Variants in ASXL3 observed in about 807,000 individuals in gnomAD.
ASXL3 encodes ASXL transcriptional regulator 3.
Under a neutral mutation model 170.6 loss-of-function variants are expected in ASXL3, and 34 were observed. The observed-to-expected ratio is 0.20, with a 90% CI of 0.15 to 0.27. The LOEUF is 0.27. ASXL3 is among the 10% of genes least tolerant of loss of function. The probability of loss-of-function intolerance (pLI) is 1.00; values close to 1 mark genes in which losing one functional copy is unlikely to be tolerated. For missense variants in ASXL3, 2,592 were observed against 2,695.3 expected, an observed-to-expected ratio of 0.96 and a Z score of 0.85; for synonymous variants, 1,002 against 989.1, an observed-to-expected ratio of 1.01 and a Z score of -0.24.
intron 7 of ASXL3, among the ~76,000 whole-genome samples, 187 bp from the exon 8 acceptor site, chr18:33,683,218 A>T (rs1599489183): frequency 6.6e-6 from 1 of 152,316 alleles, no homozygotes; most frequent in East Asian, 1.9e-4. Flanking sequence ...AACTGAAGAC[A>T]GACAGACACA....
chr18:33,744,000 T>G lies in ASXL3; in HGVS notation c.4152T>G (p.Thr1384=), dbSNP rs1289911981. The part of the protein sequence containing the change: ...IAIPGSEEQA[T]VSMGTTVRAA... ...TACCTGGGAGTGAAGAACAGGCCACTGTATCCATGGGTACCACTGTGAGAG... is the reference window on the plus strand; with the variant it reads ...TACCTGGGAGTGAAGAACAGGCCACGGTATCCATGGGTACCACTGTGAGAG... Residue 1384 remains threonine (T), a synonymous_variant, in exon 12 of 12, where the codon ACT becomes ACG. Coordinates refer to ENST00000269197, the MANE Select transcript of ASXL3 (RefSeq NM_030632.3). 1 of 1,613,920 alleles carries G rather than the reference T, an allele frequency of 6.2e-7. No individual in the cohort carries two copies. Among genetic ancestry groups the G allele is most frequent in the Non-Finnish European group, 8.5e-7 (1 of 1,179,906 alleles).
Position 33,744,473 on chromosome 18 carries a change from C to G in ASXL3, c.4625C>G (p.Ala1542Gly). Residue 1542 changes from alanine (A) to glycine (G), a missense_variant, in exon 12 of 12, where the codon GCT becomes GGT. Physicochemically the swap from Ala to Gly is moderately conservative, Grantham distance 60 (BLOSUM62 0). Coordinates refer to ENST00000269197, the MANE Select transcript of ASXL3 (RefSeq NM_030632.3). The stretch of plus-strand genomic sequence containing the variant: ...GATCACAGTTCCACTTTCATTGCTG[C>G]TTCGGCAGCAAAACAAGACAGTAAA... The part of the protein sequence containing the change: ...GIDHSSTFIA[A>G]SAAKQDSKTL... The G allele has an allele frequency of 6.2e-7, 1 of 1,613,156 alleles. No individual in the cohort carries two copies. The highest frequency in any genetic ancestry group is 8.5e-7 in the Non-Finnish European group (1 of 1,179,722).
At position 33,699,510 on chromosome 18, in the gene ASXL3, T is replaced by C. The variant is rs144201441; in HGVS notation, c.879+15942T>C. Among the ~76,000 whole-genome samples the C allele has an allele frequency of 2.2e-4, 34 of 152,280 alleles. No homozygotes were observed. The East Asian group carries it at 6.6e-3, about 29-fold the overall frequency. ...AGTATTACTCATGTATTGAGTAAGATGATGATTGAGAGTTTACCATGCATT... is the reference window on the plus strand; with the variant it reads ...AGTATTACTCATGTATTGAGTAAGACGATGATTGAGAGTTTACCATGCATT... On this transcript the variant is annotated intron_variant, in intron 8 of 11. Transcript: ENST00000269197.
At chr18:33,673,624 C>T (rs2066381510) in intron 7 of ASXL3, among the ~76,000 whole-genome samples, 1 of 152,060 alleles carries the variant, frequency 6.6e-6, no homozygotes, top group Non-Finnish European at 1.5e-5. Context: ...CCTTTGCCTC[C>T]CAAAGTGCTG....
chr18:33,742,638 T>G (rs1446874532), intron 11 of ASXL3, among the ~76,000 whole-genome samples: 1 of 152,216 alleles, frequency 6.6e-6, no homozygotes, highest in Non-Finnish European at 1.5e-5. Context: ...ATTCTTCATT[T>G]CCATGCCAAA....
rs748848050 is a variant in ASXL3 at position 33,745,290 on chromosome 18, T to C, written c.5442T>C (p.Thr1814=). 1.2e-6 allele frequency: 2 copies of C among 1,613,848 alleles called. No individual in the cohort carries two copies. Among genetic ancestry groups the C allele is most frequent in the African/African-American group, 1.3e-5 (1 of 74,912 alleles). ...ATGGTAAGGGCTACTTGGCAGGGAC[T>C]CTGGCACCACTCCAAATGAGAAAGC... is the stretch of plus-strand genomic sequence containing the variant. ...NPDGKGYLAG[T]LAPLQMRKRE... Residue 1814 remains threonine (T), a synonymous_variant, in exon 12 of 12, where the codon ACT becomes ACC. Transcript: ENST00000269197.
chr18:33,622,376 G>A (rs1283149826), intron 2 of ASXL3, among the ~76,000 whole-genome samples: 23 of 152,076 alleles, frequency 1.5e-4, no homozygotes, highest in Admixed American at 1.5e-3. Context: ...GTATGCTGCT[G>A]ATTTTATTAA....
intron 6 of ASXL3, 66 bp from the exon 7 acceptor site, chr18:33,671,680 AT>A: frequency 1.4e-6 from 2 of 1,411,598 alleles, no homozygotes; most frequent in South Asian, 2.8e-5. Context: ...TCCTCAAACA[AT>A]TTTAGATTTT....
chr18:33,739,142 G>C lies in ASXL3; in HGVS notation c.1738G>C (p.Glu580Gln). The C allele has an allele frequency of 1.9e-6, 3 of 1,613,584 alleles. No homozygotes were observed. The highest frequency in any genetic ancestry group is 2.5e-6 in the Non-Finnish European group (3 of 1,179,732). The change falls in exon 11 of 12, where the codon GAA (glutamate) becomes CAA (glutamine). Residue 580 changes from glutamate to glutamine, a missense_variant. Coordinates refer to ENST00000269197, the MANE Select transcript of ASXL3 (RefSeq NM_030632.3). ...PKIKTGSSSL[E>Q]GQFPNEGIAI... is the part of the protein sequence containing the mutation. Reference sequence around the variant, plus strand: ...AATAAAAACAGGGTCATCTTCTCTAGAAGGCCAGTTTCCAAATGAAGGAAT... The same window carrying C: ...AATAAAAACAGGGTCATCTTCTCTACAAGGCCAGTTTCCAAATGAAGGAAT...
At chr18:33,683,706 G>T in intron 8 of ASXL3, 138 bp downstream of exon 8, 1 of 944,798 alleles carries the variant, frequency 1.1e-6, no homozygotes, top group South Asian at 2.1e-5. Context: ...GCTGTCATTA[G>T]CTTATTTAAT....
At chr18:33,661,781 C>A in intron 5 of ASXL3, 44 bp downstream of exon 5, 1 of 1,584,006 alleles carries the variant, frequency 6.3e-7, no homozygotes, top group Non-Finnish European at 8.6e-7. Context: ...GTTCTGCATA[C>A]TTAAGGTAAT....
At chr18:33,689,857 C>T (rs575584001) in intron 8 of ASXL3, among the ~76,000 whole-genome samples, 1 of 152,068 alleles carries the variant, frequency 6.6e-6, no homozygotes, top group Non-Finnish European at 1.5e-5. Context: ...TGTATTAATT[C>T]ATGTACAAAC....
intron 4 of ASXL3, among the ~76,000 whole-genome samples, chr18:33,652,246 G>A (rs1044716680): frequency 1.4e-4 from 21 of 151,894 alleles, no homozygotes; most frequent in African/African-American, 4.3e-4. Context: ...TTGATATATC[G>A]TGAGTTTCCT....
At position 33,661,670 on chromosome 18, in the gene ASXL3, C is replaced by T. The variant is rs373139407; in HGVS notation, c.410C>T (p.Thr137Ile). ...EASSTRDSSL[T>I]NTAVQSKLVS... ...TCTTCCACTCGAGATTCAAGCCTTA[C>T]TAACACAGCAGTGCAAAGCAAGTTA... Residue 137 changes from threonine (T) to isoleucine (I), a missense_variant, in exon 5 of 12, where the codon ACT becomes ATT. Thr to Ile is a moderately conservative substitution (Grantham distance 89). Around this residue, in one of 4 missense-constraint regions of ASXL3, gnomAD observed 251 missense variants for 281.9 expected, o/e 0.89. Transcript: ENST00000269197. 76 of 1,612,622 alleles carry T rather than the reference C, an allele frequency of 4.7e-5. No homozygotes were observed. The highest frequency in any genetic ancestry group is 1.7e-5 in the Admixed American group (1 of 59,798).
chr18:33,644,573 A>G (rs547912622), intron 2 of ASXL3, among the ~76,000 whole-genome samples: 3 of 151,416 alleles, frequency 2.0e-5, no homozygotes, highest in East Asian at 2.0e-4. Context: ...ATAACACCAC[A>G]TAAGTATTTG....
chr18:33,625,185 C>G (rs1486367496), intron 2 of ASXL3, among the ~76,000 whole-genome samples: 1 of 152,104 alleles, frequency 6.6e-6, no homozygotes, highest in Non-Finnish European at 1.5e-5. Flanking sequence ...AACTCTTTCT[C>G]TGAACTAAAC....
chr18:33,628,396 A>G (rs2065631207), intron 2 of ASXL3, among the ~76,000 whole-genome samples: 1 of 152,138 alleles, frequency 6.6e-6, no homozygotes, highest in Admixed American at 6.6e-5. Context: ...CCAAGGAGGA[A>G]ATGAGAGACA....
chr18:33,607,830 A>G (rs1020337516), intron 2 of ASXL3, among the ~76,000 whole-genome samples, 154 bp downstream of exon 2: 1 of 152,006 alleles, frequency 6.6e-6, no homozygotes, highest in African/African-American at 2.4e-5. Context: ...TGGATGATTT[A>G]AGATTTCCTT....
chr18:33,630,701 G>A (rs2065664562), intron 2 of ASXL3, among the ~76,000 whole-genome samples: 1 of 151,940 alleles, frequency 6.6e-6, no homozygotes, highest in African/African-American at 2.4e-5. Flanking sequence ...AATTTCAGAT[G>A]AGTAGTATCA....
Sources: gnomAD v4.1 joint callset for allele counts (sites outside exome capture counted in the v4.1 genomes callset) on GRCh38, gnomAD v4.1.1 for gene constraint, gnomAD v4.1.1 regional missense constraint, MANE v1.5 for transcripts, NCBI Gene and HGNC (gene_info 2026-07-23, HGNC 2026-07-21) for gene names.